FMR1: variants seen among roughly 807,000 people sequenced by gnomAD.
The protein encoded by FMR1 is FMRP translational regulator 1.
In FMR1, 13 loss-of-function variants were observed where a neutral mutation model predicts 50.6. That is an observed-to-expected ratio of 0.26 (90% CI 0.17 to 0.41). The LOEUF is 0.41. Ranked by LOEUF, FMR1 falls within the 10% of genes least tolerant of loss-of-function variation. The pLI is 1.00. For synonymous variants in FMR1, 138 were observed against 164.1 expected, an observed-to-expected ratio of 0.84 and a Z score of 1.22; for missense variants, 316 against 491.3, an observed-to-expected ratio of 0.64 and a Z score of 3.37.
chrX:147,947,465 C>A (rs1374218896), intron 16 of FMR1: 1 of 106,416 alleles, frequency 9.4e-6, no homozygotes, highest in Non-Finnish European at 1.9e-5. Flanking sequence ...AATCCCAGCA[C>A]TTTGGGAGGC....
At position 147,948,860 on chromosome X, in the gene FMR1, A is replaced by T. The variant is rs1557182685; in HGVS notation, c.*16A>T. On this transcript the variant is annotated 3_prime_UTR_variant, in exon 17 of 17. Transcript: ENST00000370475. ...AGTACCCTAAACTGCATAATTCTGA[A>T]GTTATATTTCCTATACCATTTCCGT... 4 of 1,201,414 alleles carry T rather than the reference A, an allele frequency of 3.3e-6. No individual in the cohort carries two copies. The highest frequency in any genetic ancestry group is 4.5e-6 in the Non-Finnish European group (4 of 885,959).
At chrX:147,948,000 CT>C (rs2044236176) in intron 16 of FMR1, among the ~76,000 whole-genome samples, 1 of 112,075 alleles carries the variant, frequency 8.9e-6, no homozygotes, top group South Asian at 3.6e-4. Flanking sequence ...TCTTTATACT[CT>C]CCTAGGATTC....
At chrX:147,937,143 C>T (rs1480712230) in intron 10 of FMR1, among the ~76,000 whole-genome samples, 1 of 111,131 alleles carries the variant, frequency 9.0e-6, no homozygotes, top group Non-Finnish European at 1.9e-5. Context: ...TAAATATATG[C>T]TTTTTGTAGC....
chrX:147,939,893 AC>A (rs1458004485), intron 12 of FMR1, among the ~76,000 whole-genome samples: 1 of 82,788 alleles, frequency 1.2e-5, no homozygotes, highest in Non-Finnish European at 2.3e-5. Flanking sequence ...GAATAAAAAG[AC>A]CCTGTCTCAA....
At position 147,922,874 on chromosome X, in the gene FMR1, A is replaced by G. The variant is rs190746061; in HGVS notation, c.104+889A>G. 6.3e-5 allele frequency among the ~76,000 whole-genome samples: 7 copies of G among 111,622 alleles called. No homozygotes were observed. In the East Asian group the frequency reaches 2.0e-3, roughly 31 times the overall value. The stretch of plus-strand genomic sequence containing the variant: ...GGAGAACATAGCTAAAGAGTACAGG[A>G]TTTTTGTGTGTGTGGCAATGAAAAT... On this transcript the variant is annotated intron_variant, in intron 2 of 16. Coordinates refer to ENST00000370475, the MANE Select transcript of FMR1 (RefSeq NM_002024.6).
chrX:147,948,660 A>T (rs782422703), intron 16 of FMR1, 23 bp from the exon 17 acceptor site: 10 of 1,211,715 alleles, frequency 8.3e-6, no homozygotes, highest in Non-Finnish European at 1.1e-5. Context: ...GTCTGTGTAT[A>T]TAACAACTAT....
chrX:147,912,121 AG>A lies in FMR1; in HGVS notation c.-58del. On this transcript the variant is annotated 5_prime_UTR_variant, in exon 1 of 17. Coordinates refer to ENST00000370475, the MANE Select transcript of FMR1 (RefSeq NM_002024.6). The stretch of plus-strand genomic sequence containing the variant: ...CGGCGGCGGCGGCGGCTGGGCCTCG[AG>A]CGCCCGCAGCCCACCTCTCGGGGGC... The A allele has an allele frequency of 1.3e-6, 1 of 752,470 alleles. No homozygotes were observed. The highest frequency in any genetic ancestry group is 1.6e-6 in the Non-Finnish European group (1 of 607,563). The allele number at this position is 752,470 out of a possible 1,213,427, so 62.0% of individuals were successfully genotyped here.
intron 1 of FMR1, chrX:147,914,010 G>C (rs1166718188): frequency 4.4e-5 from 5 of 112,371 alleles, no homozygotes; most frequent in African/African-American, 1.6e-4. Context: ...TTATGGCCTT[G>C]AAGTACTTAT....
intron 3 of FMR1, among the ~76,000 whole-genome samples, chrX:147,927,162 C>T (rs1231756121): frequency 8.9e-6 from 1 of 112,036 alleles, no homozygotes; most frequent in East Asian, 2.8e-4. Context: ...TGTCCACTTC[C>T]CCAGAAGACT....
chrX:147,932,514 T>C lies in FMR1; in HGVS notation c.720T>C (p.Asn240=). 1 of 1,206,591 alleles carries C rather than the reference T, an allele frequency of 8.3e-7. No homozygotes were observed. The highest frequency in any genetic ancestry group is 3.0e-5 in the East Asian group (1 of 33,812). ...MGLAIGTHGA[N]IQQARKVPGV... ...TAGCTATTGGTACTCATGGTGCTAATATTCAGCAAGCTAGAAAAGTACCTG... is the reference window on the plus strand; with the variant it reads ...TAGCTATTGGTACTCATGGTGCTAACATTCAGCAAGCTAGAAAAGTACCTG... The change falls in exon 8 of 17, where the codon AAT becomes AAC. Residue 240 remains asparagine, a synonymous_variant. Coordinates refer to ENST00000370475, the MANE Select transcript of FMR1 (RefSeq NM_002024.6).
chrX:147,936,664 T>G, intron 10 of FMR1, 51 bp downstream of exon 10: 3 of 742,047 alleles, frequency 4.0e-6, no homozygotes, highest in Non-Finnish European at 6.4e-6. Context: ...AGTAAAAGTT[T>G]TTTATGTGAT....
rs1164871285 is a variant in FMR1, at chrX:147,925,564, A to G, written c.129A>G (p.Pro43=). Residue 43 remains proline (P), a synonymous_variant, in exon 3 of 17, where the codon CCA becomes CCG. Coordinates refer to ENST00000370475, the MANE Select transcript of FMR1 (RefSeq NM_002024.6). ...GCTGGCAGCCTGATAGGCAGATTCC[A>G]TTTCATGATGTCAGATTCCCACCTC... is the stretch of plus-strand genomic sequence containing the variant. ...ENNWQPDRQI[P]FHDVRFPPPV... 1.1e-5 allele frequency: 13 copies of G among 1,200,344 alleles called. No homozygotes were observed. Among genetic ancestry groups the G allele is most frequent in the African/African-American group, 1.8e-5 (1 of 57,071 alleles).
chrX:147,939,365 C>T (rs1557180238), intron 12 of FMR1, among the ~76,000 whole-genome samples: 1 of 110,478 alleles, frequency 9.1e-6, no homozygotes, highest in African/African-American at 3.3e-5. Context: ...GAGAGAAGTT[C>T]AAACTTTCCT....
At chrX:147,924,665 C>G (rs2043323830) in intron 2 of FMR1, among the ~76,000 whole-genome samples, 2 of 104,625 alleles carry the variant, frequency 1.9e-5, no homozygotes, top group Admixed American at 1.0e-4. Flanking sequence ...GCACATACCA[C>G]TGCACCTAAT....
At chrX:147,925,713 C>A in intron 3 of FMR1, 80 bp downstream of exon 3, 1 of 636,709 alleles carries the variant, frequency 1.6e-6, no homozygotes. Context: ...AATACTTTGT[C>A]TTTAACACTG....
rs1276633652 is a variant in FMR1, at chrX:147,917,519, A to AT, written c.52-4406dup. 2.2e-4 allele frequency among the ~76,000 whole-genome samples: 24 copies of AT among 111,067 alleles called. No individual in the cohort carries two copies. In the Admixed American group the frequency reaches 2.2e-3, roughly 10 times the overall value. ...TCTCAAATTCCAAGATTCTCATCAC[A>AT]TTTTTTTTCTTCCCAAACTCTAAAT... On this transcript the variant is annotated intron_variant, in intron 1 of 16. Transcript: ENST00000370475.
chrX:147,936,724 T>G (rs921200017), intron 10 of FMR1, 111 bp downstream of exon 10: 5 of 517,356 alleles, frequency 9.7e-6, no homozygotes, highest in African/African-American at 7.0e-5. Context: ...ATATTCTGAT[T>G]ATCAAGCATG....
chrX:147,918,517 C>G (rs903063595), intron 1 of FMR1, among the ~76,000 whole-genome samples: 9 of 96,613 alleles, frequency 9.3e-5, no homozygotes, highest in African/African-American at 3.2e-4. Flanking sequence ...ACACTACATC[C>G]GGAAATCATC....
intron 3 of FMR1, 58 bp downstream of exon 3, chrX:147,925,691 G>A: frequency 1.3e-6 from 1 of 775,159 alleles, no homozygotes; most frequent in Non-Finnish European, 2.0e-6. Context: ...TAATTTATCT[G>A]TGTTTTTTTT....
Sources: gnomAD v4.1 joint callset for allele counts (sites outside exome capture counted in the v4.1 genomes callset) on GRCh38, gnomAD v4.1.1 for gene constraint, MANE v1.5 for transcripts, NCBI Gene and HGNC (gene_info 2026-07-23, HGNC 2026-07-21) for gene names.